UNC5C: variants seen among roughly 807,000 people sequenced by gnomAD.
The protein encoded by UNC5C is netrin receptor UNC5C.
UNC5C carries 47 observed loss-of-function variants against 99.8 expected under a neutral mutation model. The ratio of observed to expected loss-of-function variants is 0.47; its 90% CI spans 0.37 to 0.60. The LOEUF (loss-of-function observed/expected upper bound fraction) is 0.60. Ranked by LOEUF, UNC5C falls within the 20% of genes least tolerant of loss-of-function variation. The probability of loss-of-function intolerance (pLI) is 0.00; values close to 1 mark genes in which losing one functional copy is unlikely to be tolerated. For synonymous variants in UNC5C, 487 were observed against 452.2 expected, an observed-to-expected ratio of 1.08 and a Z score of -0.98; for missense variants, 1,062 against 1,165.9, an observed-to-expected ratio of 0.91 and a Z score of 1.30.
intron 2 of UNC5C, among the ~76,000 whole-genome samples, chr4:95,313,654 C>T (rs1049909331): frequency 2.0e-5 from 3 of 152,128 alleles, no homozygotes; most frequent in African/African-American, 7.2e-5. Context: ...GAGTGACTAC[C>T]ACTTAACAAC....
rs187237923 is a variant in UNC5C, at chr4:95,373,759, A to G, written c.125-38128T>C. Among the ~76,000 whole-genome samples the G allele has an allele frequency of 4.0e-3, 606 of 152,266 alleles. 2 individuals carry two copies. Among genetic ancestry groups the G allele is most frequent in the Non-Finnish European group, 6.3e-3 (431 of 68,020 alleles). On this transcript the variant is annotated intron_variant, in intron 1 of 15. Coordinates refer to ENST00000453304, the MANE Select transcript of UNC5C (RefSeq NM_003728.4). ...ATATGGGATGGAAAGACACTGATTCATTTTACAAATGTGGGAAGGGGGTGG... is the reference window on the plus strand; with the variant it reads ...ATATGGGATGGAAAGACACTGATTCGTTTTACAAATGTGGGAAGGGGGTGG...
chr4:95,460,195 G>GTTTTT (rs564653832), intron 1 of UNC5C, among the ~76,000 whole-genome samples: 1 of 72,318 alleles, frequency 1.4e-5, no homozygotes. Context: ...TGTCCATGTG[G>GTTTTT]TGTTTTTTTT....
chr4:95,224,852 A>AT (rs36082817), intron 7 of UNC5C, among the ~76,000 whole-genome samples: 61,397 of 148,846 alleles, frequency 0.41, 13,095 homozygotes, highest in East Asian at 0.71. Flanking sequence ...TTAAGGAAGA[A>AT]TTTTTTTTTT....
intron 13 of UNC5C, among the ~76,000 whole-genome samples, chr4:95,183,394 A>AG (rs1333467130): frequency 2.0e-5 from 3 of 151,970 alleles, no homozygotes; most frequent in Non-Finnish European, 4.4e-5. Flanking sequence ...AAAAAAAAAA[A>AG]AGAGTTTATA....
Position 95,220,132 on chromosome 4 carries a change from T to C in UNC5C, c.1153A>G (p.Ile385Val). Residue 385 changes from isoleucine (I) to valine (V), a missense_variant, in exon 8 of 16, where the codon ATA becomes GTA. By Grantham distance (29) the Ile-to-Val change is conservative. This residue lies in a region of UNC5C where 810 missense variants were observed against 854.5 expected (regional missense o/e 0.95). Transcript: ENST00000453304. ...DDVALYVGIV[I>V]AVIVCLAISV... is the part of the protein sequence containing the mutation. ...ATCGCCAGGCAAACGATCACTGCTA[T>C]CACAATCCCAACATAGAGAGCAACA... The C allele has an allele frequency of 6.2e-7, 1 of 1,614,060 alleles. No individual in the cohort carries two copies. The highest frequency in any genetic ancestry group is 8.5e-7 in the Non-Finnish European group (1 of 1,179,984).
chr4:95,382,012 A>G (rs1745086746), intron 1 of UNC5C, among the ~76,000 whole-genome samples: 1 of 152,190 alleles, frequency 6.6e-6, no homozygotes, highest in African/African-American at 2.4e-5. Flanking sequence ...CAGGAGTCCC[A>G]GACGAAGTAA....
At chr4:95,377,348 A>C (rs892779041) in intron 1 of UNC5C, among the ~76,000 whole-genome samples, 1 of 152,216 alleles carries the variant, frequency 6.6e-6, no homozygotes, top group Non-Finnish European at 1.5e-5. Context: ...ATCAAGCTCC[A>C]GGAAAACCTT....
intron 1 of UNC5C, among the ~76,000 whole-genome samples, chr4:95,421,385 A>G (rs1746314875): frequency 6.6e-6 from 1 of 152,192 alleles, no homozygotes; most frequent in African/African-American, 2.4e-5. Flanking sequence ...TCTAGGATAC[A>G]TCTATTTTTC....
chr4:95,429,832 G>A (rs1746584269), intron 1 of UNC5C, among the ~76,000 whole-genome samples: 1 of 152,058 alleles, frequency 6.6e-6, no homozygotes. Flanking sequence ...AAAACTCAGA[G>A]CAAATGAGCT....
At chr4:95,335,837 A>G (rs1254429350) in intron 1 of UNC5C, among the ~76,000 whole-genome samples, 3 of 151,934 alleles carry the variant, frequency 2.0e-5, no homozygotes, top group African/African-American at 7.2e-5. Flanking sequence ...GCAAAACTCA[A>G]CATCAGGGAG....
At chr4:95,442,972 T>C (rs541626697) in intron 1 of UNC5C, among the ~76,000 whole-genome samples, 15 of 152,268 alleles carry the variant, frequency 9.9e-5, no homozygotes, top group Non-Finnish European at 1.9e-4. Flanking sequence ...AGACAGTCCT[T>C]GCCTTCAAAG....
chr4:95,355,759 G>A (rs951513369), intron 1 of UNC5C, among the ~76,000 whole-genome samples: 11 of 152,190 alleles, frequency 7.2e-5, no homozygotes, highest in African/African-American at 2.6e-4. Context: ...AATAAAAGAC[G>A]AGGTTTGCTG....
rs1357607267 is a variant in UNC5C at position 95,381,915 on chromosome 4, G to A, written c.125-46284C>T. The stretch of plus-strand genomic sequence containing the variant: ...CCCTGGAATGCAGGTATAGGTGTGT[G>A]TATGGGGCAGTTGGTGGGTAATAGT... On this transcript the variant is annotated intron_variant, in intron 1 of 15. Transcript: ENST00000453304. Among the ~76,000 whole-genome samples the A allele has an allele frequency of 3.3e-5, 5 of 152,162 alleles. No individual in the cohort carries two copies. In the East Asian group the frequency reaches 9.6e-4, roughly 29 times the overall value.
intron 1 of UNC5C, among the ~76,000 whole-genome samples, chr4:95,338,251 T>A (rs1743422826): frequency 6.6e-6 from 1 of 152,076 alleles, no homozygotes. Flanking sequence ...TCTTGCTCCA[T>A]AGAAAACTGT....
At chr4:95,371,171 C>T (rs1744736538) in intron 1 of UNC5C, among the ~76,000 whole-genome samples, 1 of 152,146 alleles carries the variant, frequency 6.6e-6, no homozygotes, top group South Asian at 2.1e-4. Flanking sequence ...AGTAACACTT[C>T]AGTGAGGCAG....
chr4:95,461,671 C>T (rs1469156905), intron 1 of UNC5C, among the ~76,000 whole-genome samples: 1 of 152,110 alleles, frequency 6.6e-6, no homozygotes, highest in Non-Finnish European at 1.5e-5. Context: ...CAATGACAAC[C>T]CTGGGCTTGG....
At chr4:95,309,768 A>G (rs1200329083) in intron 2 of UNC5C, among the ~76,000 whole-genome samples, 2 of 152,230 alleles carry the variant, frequency 1.3e-5, no homozygotes, top group Non-Finnish European at 2.9e-5. Flanking sequence ...TCAAAAAGAC[A>G]AAAGATAACA....
chr4:95,338,077 A>C (rs1389495589), intron 1 of UNC5C, among the ~76,000 whole-genome samples: 2 of 152,034 alleles, frequency 1.3e-5, no homozygotes, highest in African/African-American at 4.8e-5. Context: ...AGATATGTAC[A>C]GTGGGACAGA....
At chr4:95,302,996 T>C (rs575857461) in intron 2 of UNC5C, among the ~76,000 whole-genome samples, 1 of 152,204 alleles carries the variant, frequency 6.6e-6, no homozygotes, top group African/African-American at 2.4e-5. Context: ...GGATCCAGTA[T>C]GAGTTAGCTT....
Sources: gnomAD v4.1 joint callset for allele counts (sites outside exome capture counted in the v4.1 genomes callset) on GRCh38, gnomAD v4.1.1 for gene constraint, gnomAD v4.1.1 regional missense constraint, MANE v1.5 for transcripts, NCBI Gene and HGNC (gene_info 2026-07-23, HGNC 2026-07-21) for gene names.